The following SYN3 variants were observed in gnomAD, a reference collection of about 807,000 sequenced individuals.
SYN3 encodes synapsin-3.
Under a neutral mutation model 65.8 loss-of-function variants are expected in SYN3, and 35 were observed. That is an observed-to-expected ratio of 0.53 (90% CI 0.41 to 0.70). The LOEUF (loss-of-function observed/expected upper bound fraction) is 0.70. Ranked by LOEUF, SYN3 falls within the 30% of genes least tolerant of loss-of-function variation. The pLI, the probability that SYN3 is intolerant of heterozygous loss-of-function variation, is 0.00. For missense variants in SYN3, 680 were observed against 749.0 expected (o/e 0.91, Z 1.08); for synonymous variants, 270 against 292.9 (o/e 0.92, Z 0.80).
At chr22:32,595,125 G>A (rs993622514) in intron 7 of SYN3, among the ~76,000 whole-genome samples, 2 of 152,180 alleles carry the variant, frequency 1.3e-5, no homozygotes, top group African/African-American at 2.4e-5. Flanking sequence ...TGATGCACAT[G>A]GTTTGACTGG....
chr22:32,819,093 A>G (rs1424202557), intron 6 of SYN3, among the ~76,000 whole-genome samples: 2 of 152,248 alleles, frequency 1.3e-5, no homozygotes, highest in African/African-American at 2.4e-5. Flanking sequence ...CCACTTGGCC[A>G]GGGGGTCACA....
intron 6 of SYN3, among the ~76,000 whole-genome samples, chr22:32,627,597 G>A (rs1331241574): frequency 6.6e-6 from 1 of 152,044 alleles, no homozygotes; most frequent in Non-Finnish European, 1.5e-5. Context: ...CACACACATG[G>A]ATGGGCAAGT....
intron 6 of SYN3, among the ~76,000 whole-genome samples, chr22:32,728,942 A>G (rs1431880288): frequency 1.3e-5 from 2 of 152,180 alleles, no homozygotes; most frequent in Non-Finnish European, 2.9e-5. Context: ...GCAGGAAAGC[A>G]ATGTCTGTCT....
intron 6 of SYN3, chr22:32,849,424 C>T: frequency 6.2e-7 from 1 of 1,608,092 alleles, no homozygotes; most frequent in Non-Finnish European, 8.5e-7. Flanking sequence ...CCTTCCTAAC[C>T]TCTTATTGTC....
intron 2 of SYN3, among the ~76,000 whole-genome samples, chr22:32,986,037 A>G (rs1306109966): frequency 2.0e-5 from 3 of 151,904 alleles, no homozygotes; most frequent in African/African-American, 7.3e-5. Flanking sequence ...TCTGCCCCCA[A>G]ACATATAGTC....
intron 6 of SYN3, among the ~76,000 whole-genome samples, chr22:32,600,301 C>T (rs1039174642): frequency 2.0e-4 from 31 of 152,276 alleles, no homozygotes; most frequent in South Asian, 2.1e-4. Context: ...GTTAGTACTC[C>T]TATGAGAATC....
At chr22:32,618,872 G>A (rs2059556946) in intron 6 of SYN3, among the ~76,000 whole-genome samples, 1 of 152,274 alleles carries the variant, frequency 6.6e-6, no homozygotes, top group South Asian at 2.1e-4. Context: ...GGAGGACCTT[G>A]GGCCCCCTTC....
chr22:32,658,639 A>T (rs1183652044), intron 6 of SYN3, among the ~76,000 whole-genome samples: 2 of 152,016 alleles, frequency 1.3e-5, no homozygotes, highest in African/African-American at 4.8e-5. Context: ...ATGCTATTAC[A>T]CCCCCATTTG....
intron 3 of SYN3, among the ~76,000 whole-genome samples, chr22:32,975,002 C>G (rs1360251601): frequency 1.3e-5 from 2 of 152,136 alleles, no homozygotes; most frequent in Non-Finnish European, 2.9e-5. Context: ...ACCCCTACAC[C>G]GCATTTCCTC....
chr22:32,615,233 G>A (rs954045175), intron 6 of SYN3, among the ~76,000 whole-genome samples: 1 of 151,900 alleles, frequency 6.6e-6, no homozygotes, highest in African/African-American at 2.4e-5. Context: ...TCAGGAGTTC[G>A]AAACCAGCCT....
rs147204547 is a variant in SYN3, at chr22:32,875,848, T to C, written c.462-6723A>G. Among the ~76,000 whole-genome samples, 598 of 152,302 alleles carry C rather than the reference T, an allele frequency of 3.9e-3. 2 individuals carry two copies. Among genetic ancestry groups the C allele is most frequent in the Non-Finnish European group, 7.3e-3 (494 of 68,022 alleles). ...TTCAGACGTCTGGTCCCCAGAATGA[T>C]GGGAGAATGAATTTCTGTTATTTAA... On this transcript the variant is annotated intron_variant, in intron 4 of 13. Coordinates refer to ENST00000358763, the MANE Select transcript of SYN3 (RefSeq NM_003490.4).
chr22:32,520,930 T>C (rs748904137), intron 12 of SYN3, among the ~76,000 whole-genome samples: 1 of 152,134 alleles, frequency 6.6e-6, no homozygotes. Flanking sequence ...GGACTGAACA[T>C]CAAACATCCC....
rs2058504004 is a variant in SYN3, at chr22:32,556,795, GGTTTCC to G, written c.775-15088_775-15083del. Among the ~76,000 whole-genome samples, 2 of 87,212 alleles carry G rather than the reference GGTTTCC, an allele frequency of 2.3e-5. 1 individual carries two copies. Among genetic ancestry groups the G allele is most frequent in the African/African-American group, 1.1e-4 (2 of 18,320 alleles). 57.2% of individuals were successfully genotyped at this position (87,212 alleles called of 152,430 possible). On this transcript the variant is annotated intron_variant, in intron 7 of 13. Coordinates refer to ENST00000358763, the MANE Select transcript of SYN3 (RefSeq NM_003490.4). ...CAATGACCCAATGACCCAATCTATA[GGTTTCC>G]TGGTTTTTTTTTTTTTTTTTTTTTT...
intron 6 of SYN3, among the ~76,000 whole-genome samples, chr22:32,858,685 C>T (rs933225922): frequency 1.3e-5 from 2 of 152,108 alleles, no homozygotes; most frequent in African/African-American, 2.4e-5. Flanking sequence ...CAAAACAGTC[C>T]TGTGTGGTTT....
intron 6 of SYN3, among the ~76,000 whole-genome samples, chr22:32,779,680 T>C (rs1194083588): frequency 6.6e-6 from 1 of 152,122 alleles, no homozygotes; most frequent in African/African-American, 2.4e-5. Context: ...GTTGCAGAGC[T>C]GGGAATCAAA....
intron 6 of SYN3, among the ~76,000 whole-genome samples, chr22:32,809,097 T>G (rs922916315): frequency 1.5e-4 from 23 of 152,234 alleles, no homozygotes; most frequent in Non-Finnish European, 3.2e-4. Context: ...GTGCCCTTAC[T>G]ATGTGCCAGG....
intron 2 of SYN3, among the ~76,000 whole-genome samples, chr22:32,999,609 G>A (rs1359007410): frequency 1.3e-5 from 2 of 152,178 alleles, no homozygotes; most frequent in African/African-American, 2.4e-5. Context: ...CTTAAACCTC[G>A]GAGGTGGAGG....
intron 6 of SYN3, among the ~76,000 whole-genome samples, chr22:32,607,933 A>G (rs773093947): frequency 3.3e-5 from 5 of 152,240 alleles, no homozygotes; most frequent in Non-Finnish European, 7.3e-5. Flanking sequence ...CCTGAGCCAC[A>G]TGGATACACG....
chr22:32,533,056 G>C (rs1363366921), intron 10 of SYN3, among the ~76,000 whole-genome samples: 1 of 151,956 alleles, frequency 6.6e-6, no homozygotes, highest in East Asian at 1.9e-4. Context: ...ACATGGAGGA[G>C]AGGTGGGGGT....
Sources: gnomAD v4.1 joint callset for allele counts (sites outside exome capture counted in the v4.1 genomes callset) on GRCh38, gnomAD v4.1.1 for gene constraint, MANE v1.5 for transcripts, NCBI Gene and HGNC (gene_info 2026-07-23, HGNC 2026-07-21) for gene names.